CDH12: variants seen among roughly 807,000 people sequenced by gnomAD.
CDH12 encodes the protein cadherin-12.
A neutral mutation model predicts 74.1 loss-of-function variants in CDH12; 41 were observed. That is an observed-to-expected ratio of 0.55 (90% CI 0.43 to 0.72). The LOEUF is 0.72. Among genes scored for constraint, CDH12 ranks in the 30% least tolerant of loss-of-function variants. The pLI, the probability that CDH12 is intolerant of heterozygous loss-of-function variation, is 0.00. For missense variants in CDH12, 945 were observed against 977.2 expected (o/e 0.97, Z 0.44); for synonymous variants, 399 against 355.0 (o/e 1.12, Z -1.39).
chr5:22,778,378 A>G (rs996736091), intron 1 of CDH12, among the ~76,000 whole-genome samples: 1 of 152,118 alleles, frequency 6.6e-6, no homozygotes, highest in African/African-American at 2.4e-5. Context: ...GAAAATCTAC[A>G]TTTGCTACAA....
At chr5:22,081,638 A>G (rs1000463466) in intron 4 of CDH12, among the ~76,000 whole-genome samples, 7 of 152,186 alleles carry the variant, frequency 4.6e-5, no homozygotes, top group African/African-American at 1.7e-4. Flanking sequence ...GACTTTAGAG[A>G]ACACTGACAT....
At position 22,372,264 on chromosome 5, in the gene CDH12, G is replaced by C. The variant is rs565002381; in HGVS notation, c.-333+32993C>G. Reference sequence around the variant, plus strand: ...CACATTGGATAGATCATCTAAGAGAGAGAGCACTGGGACTCAACAGAGAAG... The same window carrying C: ...CACATTGGATAGATCATCTAAGAGACAGAGCACTGGGACTCAACAGAGAAG... On this transcript the variant is annotated intron_variant, in intron 3 of 14. Transcript: ENST00000382254. 1.7e-3 allele frequency among the ~76,000 whole-genome samples: 255 copies of C among 152,246 alleles called. 2 individuals are homozygous for C. The highest frequency in any genetic ancestry group is 6.0e-3 in the African/African-American group (251 of 41,552).
At chr5:22,100,680 C>CAT (rs1441115441) in intron 4 of CDH12, among the ~76,000 whole-genome samples, 2 of 151,724 alleles carry the variant, frequency 1.3e-5, no homozygotes, top group Non-Finnish European at 2.9e-5. Flanking sequence ...CACACACACA[C>CAT]ACACACATAC....
intron 1 of CDH12, among the ~76,000 whole-genome samples, chr5:22,526,400 T>C (rs924400275): frequency 2.0e-5 from 3 of 152,160 alleles, no homozygotes; most frequent in Non-Finnish European, 4.4e-5. Context: ...ACCCGGAGAA[T>C]GGACATACTC....
intron 10 of CDH12, among the ~76,000 whole-genome samples, chr5:21,796,585 T>C (rs768476669): frequency 1.3e-5 from 2 of 152,146 alleles, no homozygotes; most frequent in Non-Finnish European, 2.9e-5. Flanking sequence ...AGATTTTCTT[T>C]ACATCATCAT....
intron 1 of CDH12, among the ~76,000 whole-genome samples, chr5:22,810,425 T>A (rs1749082099): frequency 6.6e-6 from 1 of 150,954 alleles, no homozygotes; most frequent in Admixed American, 6.6e-5. Flanking sequence ...TCTCACATCA[T>A]TTTTTTTTAA....
intron 3 of CDH12, among the ~76,000 whole-genome samples, chr5:22,351,481 T>C (rs747417842): frequency 1.2e-4 from 18 of 152,178 alleles, no homozygotes; most frequent in Non-Finnish European, 2.2e-4. Flanking sequence ...AATTATTATT[T>C]GGGGATGAGA....
chr5:21,844,473 T>C (rs1020274455), intron 7 of CDH12, among the ~76,000 whole-genome samples: 1 of 152,114 alleles, frequency 6.6e-6, no homozygotes, highest in Admixed American at 6.6e-5. Flanking sequence ...TCAAACTACA[T>C]ATACAATCCT....
chr5:22,766,612 A>G (rs1444674685), intron 1 of CDH12, among the ~76,000 whole-genome samples: 6 of 152,096 alleles, frequency 3.9e-5, no homozygotes, highest in Non-Finnish European at 8.8e-5. Flanking sequence ...CTTCAGCTTA[A>G]TATGTCCAGT....
intron 1 of CDH12, among the ~76,000 whole-genome samples, chr5:22,791,938 A>G (rs943869574): frequency 6.6e-6 from 1 of 152,218 alleles, no homozygotes; most frequent in Non-Finnish European, 1.5e-5. Flanking sequence ...GAGTCAAACC[A>G]TATCAGTAAC....
At chr5:22,132,396 A>C in intron 4 of CDH12, among the ~76,000 whole-genome samples, 1 of 152,002 alleles carries the variant, frequency 6.6e-6, no homozygotes, top group Admixed American at 6.6e-5. Context: ...TTGTGTTTAC[A>C]TTATTTGTCT....
chr5:22,114,376 C>T (rs1258196285), intron 4 of CDH12, among the ~76,000 whole-genome samples: 2 of 152,052 alleles, frequency 1.3e-5, no homozygotes, highest in Non-Finnish European at 2.9e-5. Context: ...AGTCTTTACT[C>T]TGGGCATATT....
intron 5 of CDH12, among the ~76,000 whole-genome samples, chr5:22,031,082 C>A (rs1292251605): frequency 2.6e-5 from 4 of 152,062 alleles, no homozygotes; most frequent in Non-Finnish European, 5.9e-5. Flanking sequence ...CACCTGTAAT[C>A]CCAGCACTTT....
chr5:22,671,576 A>T (rs1228372173), intron 1 of CDH12, among the ~76,000 whole-genome samples: 1 of 152,160 alleles, frequency 6.6e-6, no homozygotes, highest in Non-Finnish European at 1.5e-5. Context: ...GGATGTTGCC[A>T]TGTATCCCAC....
rs1026531621 is a variant in CDH12 at position 22,524,982 on chromosome 5, C to T, written c.-522-19618G>A. Among the ~76,000 whole-genome samples the T allele has an allele frequency of 6.7e-5, 10 of 148,714 alleles. No homozygotes were observed. The Admixed American group carries it at 6.8e-4, about 10-fold the overall frequency. On this transcript the variant is annotated intron_variant, in intron 1 of 14. Transcript: ENST00000382254. ...CCCCTCCCTCCACCCCACAACCGTC[C>T]CAGTGTGTGATGTTCCCCTTCCTGT...
At chr5:21,995,566 A>G (rs2963508) in intron 5 of CDH12, among the ~76,000 whole-genome samples, 1 of 151,968 alleles carries the variant, frequency 6.6e-6, no homozygotes. Flanking sequence ...ACCTCATTAT[A>G]CTAAATGTCT....
intron 1 of CDH12, among the ~76,000 whole-genome samples, chr5:22,697,293 C>T (rs538689645): frequency 9.2e-5 from 14 of 152,176 alleles, no homozygotes; most frequent in African/African-American, 2.9e-4. Flanking sequence ...AACAGCCAGC[C>T]GGGCGCGGTG....
At chr5:21,880,141 G>A (rs1351704589) in intron 6 of CDH12, among the ~76,000 whole-genome samples, 2 of 152,178 alleles carry the variant, frequency 1.3e-5, no homozygotes, top group Admixed American at 1.3e-4. Context: ...TGAACCTGGG[G>A]CCACATTCAG....
intron 6 of CDH12, among the ~76,000 whole-genome samples, chr5:21,920,920 T>C (rs150136068): frequency 2.6e-5 from 4 of 152,272 alleles, no homozygotes; most frequent in Admixed American, 6.5e-5. Flanking sequence ...AATGTTTAGA[T>C]AGTCAAATCT....
Sources: allele counts gnomAD v4.1 joint callset (sites outside exome capture counted in the v4.1 genomes callset), GRCh38; gene constraint gnomAD v4.1.1; transcripts MANE v1.5; gene names NCBI Gene and HGNC (gene_info 2026-07-23, HGNC 2026-07-21).